ELAPOR1: variants seen among roughly 807,000 people sequenced by gnomAD.
ELAPOR1 encodes the protein endosome-lysosome associated apoptosis and autophagy regulator 1.
Under a neutral mutation model 119.7 loss-of-function variants are expected in ELAPOR1, and 77 were observed. That is an observed-to-expected ratio of 0.64 (90% CI 0.54 to 0.78). ELAPOR1 has a LOEUF of 0.78. ELAPOR1 is among the 30% of genes least tolerant of loss of function. The pLI, the probability that ELAPOR1 is intolerant of heterozygous loss-of-function variation, is 0.00. For missense variants in ELAPOR1, 1,115 were observed against 1,270.4 expected (o/e 0.88, Z 1.86); for synonymous variants, 481 against 487.2 (o/e 0.99, Z 0.17).
chr1:109,114,896 T>C (rs1354493602), intron 1 of ELAPOR1, among the ~76,000 whole-genome samples: 1 of 152,184 alleles, frequency 6.6e-6, no homozygotes, highest in African/African-American at 2.4e-5. Context: ...GACTGTAAAA[T>C]GTGTCTCCTC....
intron 7 of ELAPOR1, 149 bp downstream of exon 7, chr1:109,173,986 C>T: frequency 1.2e-6 from 1 of 818,742 alleles, no homozygotes; most frequent in East Asian, 2.6e-5. Flanking sequence ...ATACCCTTGC[C>T]AATCCATATA....
chr1:109,185,107 C>G lies in ELAPOR1; in HGVS notation c.1015C>G (p.His339Asp), dbSNP rs1393398245. Residue 339 changes from histidine (H) to aspartate (D), a missense_variant, in exon 8 of 22, where the codon CAC becomes GAC. Coordinates refer to ENST00000369939, the MANE Select transcript of ELAPOR1 (RefSeq NM_020775.5). ...CACAGACAAAGATTATTTCTACACA[C>G]ACACGGCCTGCGATGCCAACGGAGA... ...ACTDKDYFYTHTACDANGETQ... is the reference protein window; with the variant it reads ...ACTDKDYFYTDTACDANGETQ... 15 of 1,614,004 alleles carry G rather than the reference C, an allele frequency of 9.3e-6. No individual in the cohort carries two copies. Among genetic ancestry groups the G allele is most frequent in the Non-Finnish European group, 4.2e-6 (5 of 1,179,970 alleles).
chr1:109,200,350 T>A, intron 20 of ELAPOR1, 113 bp downstream of exon 20: 1 of 1,261,864 alleles, frequency 7.9e-7, no homozygotes, highest in Non-Finnish European at 1.1e-6. Context: ...CTACAGACTC[T>A]GTGACTTATC....
At chr1:109,144,922 T>C (rs1360203883) in intron 1 of ELAPOR1, among the ~76,000 whole-genome samples, 1 of 152,190 alleles carries the variant, frequency 6.6e-6, no homozygotes, top group East Asian at 1.9e-4. Context: ...ACAACTTCTA[T>C]AAACAAAACC....
At chr1:109,148,847 C>T (rs1650350085) in intron 1 of ELAPOR1, among the ~76,000 whole-genome samples, 1 of 152,156 alleles carries the variant, frequency 6.6e-6, no homozygotes, top group African/African-American at 2.4e-5. Context: ...TAAAGCCCTG[C>T]CTTGTAGACA....
At chr1:109,134,244 T>C (rs1466167683) in intron 1 of ELAPOR1, among the ~76,000 whole-genome samples, 1 of 152,190 alleles carries the variant, frequency 6.6e-6, no homozygotes, top group African/African-American at 2.4e-5. Flanking sequence ...CAGTGGTCAA[T>C]ATCACAGTTT....
chr1:109,187,285 G>C, intron 8 of ELAPOR1: 1 of 985,492 alleles, frequency 1.0e-6, no homozygotes, highest in African/African-American at 1.7e-5. Flanking sequence ...CAGGAGGCAG[G>C]TGAGGTTCAA....
intron 7 of ELAPOR1, among the ~76,000 whole-genome samples, chr1:109,181,925 C>T (rs114793202): frequency 3.4e-4 from 51 of 152,220 alleles, no homozygotes; most frequent in African/African-American, 1.2e-3. Context: ...ATCTACGAAC[C>T]CATGTGGTGC....
chr1:109,135,234 G>T lies in ELAPOR1; in HGVS notation c.153+20898G>T, dbSNP rs369075076. ...CAATGGGTCAGTGAGAGAGGCCTAA[G>T]AATTCAAATTTCTTTTTTTTTTCTT... is the stretch of plus-strand genomic sequence containing the variant. On this transcript the variant is annotated intron_variant, in intron 1 of 21. Coordinates refer to ENST00000369939, the MANE Select transcript of ELAPOR1 (RefSeq NM_020775.5). Among the ~76,000 whole-genome samples the T allele has an allele frequency of 1.8e-3, 274 of 151,300 alleles. 1 individual carries two copies. The highest frequency in any genetic ancestry group is 6.0e-3 in the African/African-American group (250 of 41,410).
In ELAPOR1 at chr1:109,194,614, A is replaced by G. The variant is rs776145844; in HGVS notation, c.2121+20A>G. 1 of 1,610,878 alleles carries G rather than the reference A, an allele frequency of 6.2e-7. No homozygotes were observed. Among genetic ancestry groups the G allele is most frequent in the Non-Finnish European group, 8.5e-7 (1 of 1,177,220 alleles). On this transcript the variant is annotated intron_variant, in intron 15 of 21. Coordinates refer to ENST00000369939, the MANE Select transcript of ELAPOR1 (RefSeq NM_020775.5). ...AACCAGGTAAGGTATACCAGTTGAC[A>G]GGGTGAAAATTGAATGGGGGAGGCC...
rs908084328 is a variant in ELAPOR1 at position 109,204,954 on chromosome 1, T to G, written c.*1942T>G. 2 of 152,222 alleles carry G rather than the reference T, an allele frequency of 1.3e-5. No individual in the cohort carries two copies. Among genetic ancestry groups the G allele is most frequent in the African/African-American group, 4.8e-5 (2 of 41,444 alleles). 9.4% of individuals were successfully genotyped at this position (152,222 alleles called of 1,614,324 possible). The stretch of plus-strand genomic sequence containing the variant: ...TACTTCTCACTATTAAGCCCCTATC[T>G]TTCTCTTTTTTTCATTCTCAATTGC... On this transcript the variant is annotated 3_prime_UTR_variant, in exon 22 of 22. Coordinates refer to ENST00000369939, the MANE Select transcript of ELAPOR1 (RefSeq NM_020775.5).
At chr1:109,119,682 T>A (rs1407179864) in intron 1 of ELAPOR1, among the ~76,000 whole-genome samples, 1 of 152,220 alleles carries the variant, frequency 6.6e-6, no homozygotes. Context: ...TGTAAAATAC[T>A]CCTTTGGTGA....
At chr1:109,152,492 C>A (rs936927849) in intron 1 of ELAPOR1, among the ~76,000 whole-genome samples, 2 of 152,132 alleles carry the variant, frequency 1.3e-5, no homozygotes, top group East Asian at 3.8e-4. Context: ...TCTTTTCTCT[C>A]TGGGAGGTAG....
intron 1 of ELAPOR1, among the ~76,000 whole-genome samples, chr1:109,159,836 A>G (rs1160161805): frequency 6.6e-6 from 1 of 152,212 alleles, no homozygotes; most frequent in African/African-American, 2.4e-5. Flanking sequence ...ACCAGCATGA[A>G]TATGTTCAGA....
chr1:109,130,192 G>A (rs1649060928), intron 1 of ELAPOR1, among the ~76,000 whole-genome samples: 1 of 152,206 alleles, frequency 6.6e-6, no homozygotes, highest in Non-Finnish European at 1.5e-5. Flanking sequence ...CAAAGACACT[G>A]TTCCAAAGAA....
At chr1:109,130,282 C>T (rs1157075887) in intron 1 of ELAPOR1, among the ~76,000 whole-genome samples, 1 of 152,084 alleles carries the variant, frequency 6.6e-6, no homozygotes, top group Non-Finnish European at 1.5e-5. Flanking sequence ...GTAGTATAGA[C>T]TCAATAAGTA....
At chr1:109,160,441 A>G (rs1651178874) in intron 1 of ELAPOR1, among the ~76,000 whole-genome samples, 1 of 152,190 alleles carries the variant, frequency 6.6e-6, no homozygotes, top group African/African-American at 2.4e-5. Context: ...ACATAACACA[A>G]TTCTTCCTTA....
chr1:109,190,139 C>G (rs191444012), intron 11 of ELAPOR1, among the ~76,000 whole-genome samples: 1 of 149,918 alleles, frequency 6.7e-6, no homozygotes, highest in Non-Finnish European at 1.5e-5. Flanking sequence ...CAAACAAACA[C>G]GCACACACAC....
chr1:109,206,516 A>G lies in ELAPOR1; in HGVS notation c.*3504A>G, dbSNP rs1230764817. On this transcript the variant is annotated 3_prime_UTR_variant, in exon 22 of 22. Coordinates refer to ENST00000369939, the MANE Select transcript of ELAPOR1 (RefSeq NM_020775.5). Reference sequence around the variant, plus strand: ...GGAATACAAATGAAGATTGTGGTGTATTCAAGCAGTAGGGTTTTTGCTTTT... The same window carrying G: ...GGAATACAAATGAAGATTGTGGTGTGTTCAAGCAGTAGGGTTTTTGCTTTT... 6.6e-6 allele frequency: 1 copy of G among 152,226 alleles called. No individual in the cohort carries two copies. The highest frequency in any genetic ancestry group is 6.5e-5 in the Admixed American group (1 of 15,286). 9.4% of individuals were successfully genotyped at this position (152,226 alleles called of 1,614,324 possible). A position where few individuals can be genotyped will look rare whatever the true frequency, so the allele number is the denominator to read the frequency against.
Sources: allele counts gnomAD v4.1 joint callset (sites outside exome capture counted in the v4.1 genomes callset), GRCh38; gene constraint gnomAD v4.1.1; transcripts MANE v1.5; gene names NCBI Gene and HGNC (gene_info 2026-07-23, HGNC 2026-07-21).